Variants in HDAC9 observed in about 807,000 individuals in gnomAD.
The protein encoded by HDAC9 is histone deacetylase 9.
A neutral mutation model predicts 139.4 loss-of-function variants in HDAC9; 41 were observed. The ratio of observed to expected loss-of-function variants is 0.29; its 90% CI spans 0.23 to 0.38. The LOEUF (loss-of-function observed/expected upper bound fraction) is 0.38. HDAC9 is among the 10% of genes least tolerant of loss of function. HDAC9 has a pLI of 1.00. For synonymous variants in HDAC9, 517 were observed against 476.2 expected, an observed-to-expected ratio of 1.09 and a Z score of -1.12; for missense variants, 1,147 against 1,297.0, an observed-to-expected ratio of 0.88 and a Z score of 1.78.
At position 18,680,472 on chromosome 7, in the gene HDAC9, GTTTC is replaced by G. The variant is rs1038628453; in HGVS notation, c.1731+14000_1731+14003del. ...TTAGTGAACCTTGATGGGCAGAGGT[GTTTC>G]TTTTTCATCCTCTTTAATTACCATG... On this transcript the variant is annotated intron_variant, in intron 12 of 25. Coordinates refer to ENST00000686413, the MANE Select transcript of HDAC9 (RefSeq NM_178425.4). Among the ~76,000 whole-genome samples, 11 of 152,056 alleles carry G rather than the reference GTTTC, an allele frequency of 7.2e-5. No individual in the cohort carries two copies. In the East Asian group the frequency reaches 2.1e-3, roughly 30 times the overall value.
intron 8 of HDAC9, among the ~76,000 whole-genome samples, chr7:18,640,782 A>G (rs969876685): frequency 5.3e-5 from 8 of 151,942 alleles, no homozygotes; most frequent in Admixed American, 5.3e-4. Context: ...CAGAAGTCCA[A>G]TGGTGTGCTT....
intron 1 of HDAC9, among the ~76,000 whole-genome samples, chr7:18,417,923 A>G (rs1238757712): frequency 6.6e-6 from 1 of 151,736 alleles, no homozygotes; most frequent in Non-Finnish European, 1.5e-5. Context: ...TATCCAGAAA[A>G]CTCTAACTGC....
At chr7:18,676,923 A>G (rs971735433) in intron 12 of HDAC9, among the ~76,000 whole-genome samples, 1 of 151,930 alleles carries the variant, frequency 6.6e-6, no homozygotes, top group Non-Finnish European at 1.5e-5. Flanking sequence ...AAAATTTTAA[A>G]ATGATATTTT....
At chr7:18,211,595 A>G (rs1253848679) in intron 2 of HDAC9, among the ~76,000 whole-genome samples, 3 of 152,230 alleles carry the variant, frequency 2.0e-5, no homozygotes, top group African/African-American at 7.2e-5. Context: ...ATTGATGGCA[A>G]ACAAGAAGAA....
At chr7:18,925,149 C>A (rs183113814) in intron 22 of HDAC9, among the ~76,000 whole-genome samples, 2 of 152,202 alleles carry the variant, frequency 1.3e-5, no homozygotes, top group East Asian at 3.9e-4. Flanking sequence ...ATTTTTCAGG[C>A]ACAACTGGCA....
At chr7:18,329,648 G>C (rs1281457746) in intron 1 of HDAC9, among the ~76,000 whole-genome samples, 1 of 151,572 alleles carries the variant, frequency 6.6e-6, no homozygotes, top group African/African-American at 2.4e-5. Context: ...ATTCACAAAA[G>C]TGATGTGCCT....
chr7:18,279,379 AT>A (rs1247380748), intron 2 of HDAC9, among the ~76,000 whole-genome samples: 2 of 151,914 alleles, frequency 1.3e-5, no homozygotes, highest in African/African-American at 4.8e-5. Flanking sequence ...AAATTTTCAT[AT>A]TTTGATCTTT....
intron 21 of HDAC9, among the ~76,000 whole-genome samples, chr7:18,865,632 C>T (rs1347288913): frequency 6.6e-6 from 1 of 152,124 alleles, no homozygotes; most frequent in African/African-American, 2.4e-5. Flanking sequence ...GCACTGGGGG[C>T]TGTTCTGCAG....
intron 1 of HDAC9, among the ~76,000 whole-genome samples, chr7:18,405,019 CCAATTCACCGAACATGTG>C (rs1360945054): frequency 6.6e-6 from 1 of 152,178 alleles, no homozygotes; most frequent in Non-Finnish European, 1.5e-5. Flanking sequence ...TGTGGACACA[CCAATTCACCGAACATGTG>C]CAACTTTGGG....
intron 1 of HDAC9, among the ~76,000 whole-genome samples, chr7:18,451,402 T>TGTGC (rs35998573): frequency 4.9e-4 from 29 of 59,430 alleles, no homozygotes; most frequent in Non-Finnish European, 2.2e-4. Flanking sequence ...TGTGTGTGTG[T>TGTGC]ATATATGTGT....
intron 14 of HDAC9, among the ~76,000 whole-genome samples, chr7:18,761,443 A>G (rs1789380860): frequency 6.6e-6 from 1 of 152,224 alleles, no homozygotes; most frequent in Non-Finnish European, 1.5e-5. Context: ...AATACGCATA[A>G]AAAATGTTAA....
intron 12 of HDAC9, among the ~76,000 whole-genome samples, chr7:18,688,179 T>C (rs984096718): frequency 6.6e-6 from 1 of 151,840 alleles, no homozygotes. Context: ...CTTTTAGTTT[T>C]CAACAAGTGG....
intron 17 of HDAC9, among the ~76,000 whole-genome samples, chr7:18,819,146 G>T (rs1670403793): frequency 6.6e-6 from 1 of 152,116 alleles, no homozygotes; most frequent in Non-Finnish European, 1.5e-5. Context: ...CAGGCTTTAT[G>T]GTGCGCACTT....
intron 22 of HDAC9, among the ~76,000 whole-genome samples, chr7:18,931,850 G>A (rs1585340313): frequency 6.6e-6 from 1 of 152,136 alleles, no homozygotes; most frequent in Non-Finnish European, 1.5e-5. Context: ...GGCAGAGAGG[G>A]AGGATGAATA....
intron 24 of HDAC9, among the ~76,000 whole-genome samples, chr7:18,961,198 C>G (rs1204823698): frequency 6.6e-6 from 1 of 152,112 alleles, no homozygotes; most frequent in Non-Finnish European, 1.5e-5. Context: ...GCTTTTAGCT[C>G]ATAGCCATTT....
chr7:18,776,026 G>A (rs1294134256), intron 16 of HDAC9, among the ~76,000 whole-genome samples: 1 of 151,976 alleles, frequency 6.6e-6, no homozygotes, highest in Non-Finnish European at 1.5e-5. Context: ...CAACCTCCTG[G>A]GCTCCAAAGA....
intron 2 of HDAC9, among the ~76,000 whole-genome samples, chr7:18,220,103 C>G (rs1272727141): frequency 1.3e-5 from 2 of 152,072 alleles, no homozygotes; most frequent in Non-Finnish European, 2.9e-5. Context: ...GAAATGTGTA[C>G]TATTCTTAAC....
chr7:18,999,185 T>A lies in HDAC9; in HGVS notation c.*3123T>A, dbSNP rs550061472. On this transcript the variant is annotated 3_prime_UTR_variant, in exon 26 of 26. Coordinates refer to ENST00000686413, the MANE Select transcript of HDAC9 (RefSeq NM_178425.4). The stretch of plus-strand genomic sequence containing the variant: ...ATTACCAATCCTGGGGATGGAAATA[T>A]TGCCTTCAGTTTTTACTCCAGCCCT... The A allele has an allele frequency of 6.6e-6, 1 of 152,190 alleles. No individual in the cohort carries two copies. Among genetic ancestry groups the A allele is most frequent in the Non-Finnish European group, 1.5e-5 (1 of 68,032 alleles). 9.4% of individuals were successfully genotyped at this position (152,190 alleles called of 1,614,324 possible). A position where few individuals can be genotyped will look rare whatever the true frequency, so the allele number is the denominator to read the frequency against.
intron 22 of HDAC9, among the ~76,000 whole-genome samples, chr7:18,921,387 A>G (rs937716301): frequency 2.8e-4 from 42 of 152,316 alleles, no homozygotes; most frequent in African/African-American, 9.6e-4. Flanking sequence ...ATTTACAAGA[A>G]AAAAACAACC....
Sources: gnomAD v4.1 joint callset for allele counts (sites outside exome capture counted in the v4.1 genomes callset) on GRCh38, gnomAD v4.1.1 for gene constraint, MANE v1.5 for transcripts, NCBI Gene and HGNC (gene_info 2026-07-23, HGNC 2026-07-21) for gene names.